The following SCN2A variants were observed in gnomAD, a reference collection of about 807,000 sequenced individuals.
SCN2A encodes sodium voltage-gated channel alpha subunit 2.
In SCN2A, 20 loss-of-function variants were observed where a neutral mutation model predicts 188.7. That is an observed-to-expected ratio of 0.11 (90% confidence interval 0.07 to 0.15). SCN2A has a LOEUF of 0.15. Ranked by LOEUF, SCN2A falls within the 10% of genes least tolerant of loss-of-function variation. The pLI is 1.00. For missense variants in SCN2A, 1,278 were observed against 2,445.0 expected, an observed-to-expected ratio of 0.52 and a Z score of 10.07; for synonymous variants, 804 against 833.1, an observed-to-expected ratio of 0.97 and a Z score of 0.60.
At chr2:165,311,671 G>A (rs74555074) in intron 7 of SCN2A, among the ~76,000 whole-genome samples, 3 of 151,934 alleles carry the variant, frequency 2.0e-5, no homozygotes, top group Admixed American at 2.0e-4. Context: ...AAACAACAAG[G>A]CTTTCTTCTT....
intron 25 of SCN2A, among the ~76,000 whole-genome samples, chr2:165,384,109 A>G (rs2105392255): frequency 6.6e-6 from 1 of 152,222 alleles, no homozygotes; most frequent in East Asian, 1.9e-4. Flanking sequence ...TTAGAAAGAA[A>G]AAGGGGCTGA....
chr2:165,316,978 C>T (rs754703165), intron 11 of SCN2A, among the ~76,000 whole-genome samples: 2 of 151,994 alleles, frequency 1.3e-5, no homozygotes, highest in Non-Finnish European at 2.9e-5. Flanking sequence ...ATCAAGTTGC[C>T]TATGAAGAAT....
At position 165,310,489 on chromosome 2, in the gene SCN2A, T is replaced by A; in HGVS notation, c.864T>A (p.Phe288Leu). The A allele has an allele frequency of 6.2e-7, 1 of 1,613,564 alleles. No homozygotes were observed. The highest frequency in any genetic ancestry group is 8.5e-7 in the Non-Finnish European group (1 of 1,179,590). Residue 288 changes from phenylalanine (F) to leucine (L), a missense_variant, in exon 7 of 27, where the codon TTT becomes TTA. Phe to Leu is a conservative substitution (Grantham distance 22). Around this residue, in one of 17 missense-constraint regions of SCN2A, gnomAD observed 45 missense variants for 58.1 expected, o/e 0.77. Coordinates refer to ENST00000375437, the MANE Select transcript of SCN2A (RefSeq NM_001040142.2). Reference protein sequence around the residue: ...CLQWPPDNSSFEINITSFFNN... With the variant: ...CLQWPPDNSSLEINITSFFNN... ...AATGGCCTCCAGATAATTCTTCCTT[T>A]GAAATAAATATCACTTCCTTCTTTA... is the stretch of plus-strand genomic sequence containing the variant.
At position 165,385,155 on chromosome 2, in the gene SCN2A, G is replaced by A. The variant is rs566603721; in HGVS notation, c.4552-1591G>A. Among the ~76,000 whole-genome samples the A allele has an allele frequency of 5.3e-5, 8 of 152,228 alleles. No homozygotes were observed. In the Middle Eastern group the frequency reaches 0.01, roughly 194 times the overall value. On this transcript the variant is annotated intron_variant, in intron 25 of 26. Transcript: ENST00000375437. The stretch of plus-strand genomic sequence containing the variant: ...CCAAAAATCACCATTGGAAGTAATA[G>A]AAGCCTCCCAATAGAAAGAGGGCAG...
intron 18 of SCN2A, among the ~76,000 whole-genome samples, chr2:165,365,475 A>C (rs1485595027): frequency 5.9e-5 from 9 of 151,520 alleles, no homozygotes; most frequent in African/African-American, 1.7e-4. Context: ...AAAAAATGCA[A>C]CTTTTTAAAA....
At chr2:165,350,028 C>A (rs1699803455) in intron 16 of SCN2A, among the ~76,000 whole-genome samples, 1 of 152,226 alleles carries the variant, frequency 6.6e-6, no homozygotes, top group Admixed American at 6.5e-5. Flanking sequence ...CAAGACAGAG[C>A]TGGGACCACA....
At position 165,389,277 on chromosome 2, in the gene SCN2A, C is replaced by T. The variant is rs771730731; in HGVS notation, c.5471C>T (p.Ala1824Val). Reference protein sequence around the residue: ...EFAKLSDFADALDPPLLIAKP... With the variant: ...EFAKLSDFADVLDPPLLIAKP... ...GCCAAACTTTCTGATTTTGCAGATG[C>T]CCTGGATCCTCCTCTTCTCATAGCA... The change falls in exon 27 of 27, where the codon GCC becomes GTC. Residue 1824 changes from alanine to valine, a missense_variant. By Grantham distance (64) the Ala-to-Val change is moderately conservative (BLOSUM62 0). Transcript: ENST00000375437. The surrounding 1 kb of genome is among the most constrained non-coding windows in gnomAD (Gnocchi z 4.2). 6.2e-7 allele frequency: 1 copy of T among 1,614,066 alleles called. No individual in the cohort carries two copies.
chr2:165,360,727 A>G (rs1700418594), intron 17 of SCN2A, among the ~76,000 whole-genome samples: 1 of 151,960 alleles, frequency 6.6e-6, no homozygotes, highest in South Asian at 2.1e-4. Flanking sequence ...GTTTCCTGAT[A>G]AATAAGTACA....
At chr2:165,385,521 T>C (rs1217630221) in intron 25 of SCN2A, among the ~76,000 whole-genome samples, 2 of 152,330 alleles carry the variant, frequency 1.3e-5, no homozygotes, top group Middle Eastern at 3.4e-3. Context: ...GATAATTTTA[T>C]TCTTACAGAA....
At chr2:165,290,742 G>A (rs552662799) in intron 1 of SCN2A, 4 of 983,958 alleles carry the variant, frequency 4.1e-6, no homozygotes, top group African/African-American at 1.7e-5. Context: ...GAAATATTGT[G>A]CGCTTGATTG....
rs3835935 is a variant in SCN2A, at chr2:165,365,439, G to GT, written c.3520+185dup. Among the ~76,000 whole-genome samples, 60,202 of 147,412 alleles carry GT rather than the reference G, an allele frequency of 0.41. 12,978 individuals carry two copies. The highest frequency in any genetic ancestry group is 0.54 in the African/African-American group (21,863 of 40,188). ...CTATCCAACAACTGTACATTTATTT[G>GT]TTTTTTTTTGCATTTGCTGTTTGAA... On this transcript the variant is annotated intron_variant, in intron 18 of 26. Coordinates refer to ENST00000375437, the MANE Select transcript of SCN2A (RefSeq NM_001040142.2).
At chr2:165,260,834 G>T (rs1694562065) in intron 1 of SCN2A, among the ~76,000 whole-genome samples, 1 of 151,938 alleles carries the variant, frequency 6.6e-6, no homozygotes, top group African/African-American at 2.4e-5. Context: ...GTTGGGGGTG[G>T]TGGCAGGCAC....
chr2:165,348,930 T>C (rs1699745959), intron 16 of SCN2A, among the ~76,000 whole-genome samples: 1 of 152,240 alleles, frequency 6.6e-6, no homozygotes, highest in South Asian at 2.1e-4. Context: ...AAATCCTCTT[T>C]ATGTTCTACT....
At chr2:165,340,619 G>T (rs774311857) in intron 14 of SCN2A, among the ~76,000 whole-genome samples, 34 of 152,212 alleles carry the variant, frequency 2.2e-4, no homozygotes, top group Non-Finnish European at 2.5e-4. Flanking sequence ...AATAGATTTT[G>T]AAATATGAAC....
chr2:165,323,400 C>T lies in SCN2A; in HGVS notation c.1916C>T (p.Pro639Leu). The change falls in exon 12 of 27, where the codon CCC (proline) becomes CTC (leucine). Residue 639 changes from proline to leucine, a missense_variant. Physicochemically the swap from Pro to Leu is moderately conservative, Grantham distance 98. Transcript: ENST00000375437. ...SRASRVLPIL[P>L]MNGKMHSAVD... is the part of the protein sequence containing the mutation. ...GCCTCCAGGGTGCTCCCCATCCTGC[C>T]CATGAATGGGAAGATGCATAGCGCT... 9 of 1,614,116 alleles carry T rather than the reference C, an allele frequency of 5.6e-6. No individual in the cohort carries two copies. The highest frequency in any genetic ancestry group is 7.6e-6 in the Non-Finnish European group (9 of 1,179,994).
intron 11 of SCN2A, among the ~76,000 whole-genome samples, chr2:165,319,950 C>T (rs1191473919): frequency 6.6e-6 from 1 of 152,158 alleles, no homozygotes; most frequent in Non-Finnish European, 1.5e-5. Flanking sequence ...CCAACAGTCC[C>T]CCAAAGTCTT....
intron 1 of SCN2A, among the ~76,000 whole-genome samples, chr2:165,262,369 C>T (rs935690990): frequency 1.3e-5 from 2 of 152,034 alleles, no homozygotes; most frequent in South Asian, 2.1e-4. Context: ...TCTCTCACCC[C>T]CTCCCACCAT....
chr2:165,353,359 G>A (rs556800189), intron 16 of SCN2A, among the ~76,000 whole-genome samples: 2 of 151,944 alleles, frequency 1.3e-5, no homozygotes, highest in Non-Finnish European at 1.5e-5. Flanking sequence ...TACAAAAAAT[G>A]GTACAAAGGC....
intron 17 of SCN2A, among the ~76,000 whole-genome samples, chr2:165,359,928 A>G (rs1700374480): frequency 6.6e-6 from 1 of 152,004 alleles, no homozygotes; most frequent in African/African-American, 2.4e-5. Context: ...GTTATAATGT[A>G]TTCATTATAA....
Sources: allele counts gnomAD v4.1 joint callset (sites outside exome capture counted in the v4.1 genomes callset), GRCh38; gene constraint gnomAD v4.1.1; regional missense constraint gnomAD v4.1.1; non-coding constraint Gnocchi (gnomAD v3.1); transcripts MANE v1.5; gene names NCBI Gene and HGNC (gene_info 2026-07-23, HGNC 2026-07-21).